Variants in PSD3 observed in about 807,000 individuals in gnomAD.
PSD3 encodes the protein pleckstrin and Sec7 domain containing 3.
A neutral mutation model predicts 105.5 loss-of-function variants in PSD3; 49 were observed. The observed-to-expected ratio is 0.46, with a 90% CI of 0.37 to 0.59. The LOEUF (loss-of-function observed/expected upper bound fraction) is 0.59, where lower values mean the gene tolerates loss of function less well. Among genes scored for constraint, PSD3 ranks in the 20% least tolerant of loss-of-function variants. The pLI is 0.00. For synonymous variants in PSD3, 557 were observed against 457.8 expected, an observed-to-expected ratio of 1.22 and a Z score of -2.77; for missense variants, 1,561 against 1,263.8, an observed-to-expected ratio of 1.24 and a Z score of -3.57.
At chr8:18,792,786 G>A (rs78564754) in intron 8 of PSD3, among the ~76,000 whole-genome samples, 4 of 152,234 alleles carry the variant, frequency 2.6e-5, no homozygotes, top group Non-Finnish European at 5.9e-5. Context: ...CAAGGATCTG[G>A]AACTAGAAAT....
At chr8:18,634,421 T>C (rs1452755310) in intron 10 of PSD3, among the ~76,000 whole-genome samples, 1 of 152,132 alleles carries the variant, frequency 6.6e-6, no homozygotes, top group Admixed American at 6.6e-5. Flanking sequence ...ATTAACATCT[T>C]ATATATTAAT....
At chr8:18,745,569 C>A (rs1804944384) in intron 9 of PSD3, among the ~76,000 whole-genome samples, 1 of 152,114 alleles carries the variant, frequency 6.6e-6, no homozygotes, top group Admixed American at 6.5e-5. Context: ...ATTTTCCCTG[C>A]CCCAGGACTA....
chr8:18,634,438 C>T (rs1007321844), intron 10 of PSD3, among the ~76,000 whole-genome samples: 19 of 152,048 alleles, frequency 1.2e-4, no homozygotes, highest in African/African-American at 3.9e-4. Flanking sequence ...TAATAACTAT[C>T]GTAAAAAATT....
At chr8:19,027,538 G>T (rs1189254363) in intron 1 of PSD3, among the ~76,000 whole-genome samples, 1 of 152,154 alleles carries the variant, frequency 6.6e-6, no homozygotes, top group Non-Finnish European at 1.5e-5. Flanking sequence ...CCACTACAAT[G>T]AGGATATTTC....
intron 1 of PSD3, among the ~76,000 whole-genome samples, chr8:18,976,144 T>C (rs547935310): frequency 1.3e-5 from 2 of 152,206 alleles, no homozygotes; most frequent in South Asian, 4.2e-4. Context: ...TTAAAATGCT[T>C]ATACTAGAAA....
intron 9 of PSD3, among the ~76,000 whole-genome samples, chr8:18,696,119 A>T (rs1167755217): frequency 6.6e-6 from 1 of 152,212 alleles, no homozygotes; most frequent in African/African-American, 2.4e-5. Flanking sequence ...AGGATGTGTC[A>T]ATGCCTCTCT....
intron 1 of PSD3, among the ~76,000 whole-genome samples, chr8:18,988,329 G>A (rs1205454048): frequency 2.0e-5 from 3 of 152,136 alleles, no homozygotes; most frequent in Middle Eastern, 3.4e-3. Flanking sequence ...CCCAAACTGC[G>A]AATAAGACAC....
intron 10 of PSD3, among the ~76,000 whole-genome samples, chr8:18,651,346 T>C (rs751761353): frequency 6.6e-6 from 1 of 152,230 alleles, no homozygotes; most frequent in Non-Finnish European, 1.5e-5. Flanking sequence ...TGATTTCCTC[T>C]AAGGTTCTAA....
intron 4 of PSD3, among the ~76,000 whole-genome samples, chr8:18,842,197 G>A (rs1478420627): frequency 6.6e-6 from 1 of 152,212 alleles, no homozygotes; most frequent in Non-Finnish European, 1.5e-5. Context: ...CACAGCCAGA[G>A]CAGCTTAGAC....
chr8:18,615,210 C>A (rs1321122420), intron 11 of PSD3, among the ~76,000 whole-genome samples: 7 of 151,880 alleles, frequency 4.6e-5, no homozygotes, highest in African/African-American at 1.7e-4. Flanking sequence ...TGATCACCTG[C>A]TGCACCCTAC....
At chr8:19,036,150 G>A (rs568161668) in intron 1 of PSD3, among the ~76,000 whole-genome samples, 36 of 152,256 alleles carry the variant, frequency 2.4e-4, no homozygotes, top group Non-Finnish European at 3.2e-4. Flanking sequence ...GGAGATTGCC[G>A]GCAATGCAGA....
At chr8:18,711,236 T>G (rs1802233150) in intron 9 of PSD3, among the ~76,000 whole-genome samples, 1 of 152,122 alleles carries the variant, frequency 6.6e-6, no homozygotes, top group South Asian at 2.1e-4. Context: ...TTAACAAGTC[T>G]GTAAAATAAC....
rs554928646 is a variant in PSD3, at chr8:18,824,648, A to C, written c.1635-19750T>G. Among the ~76,000 whole-genome samples, 4 of 152,320 alleles carry C rather than the reference A, an allele frequency of 2.6e-5. No individual in the cohort carries two copies. In the South Asian group the frequency reaches 8.3e-4, roughly 32 times the overall value. On this transcript the variant is annotated intron_variant, in intron 4 of 15. Transcript: ENST00000327040. ...AGAATAAATTCAGGGGCCATCTATC[A>C]CTGGCTAAGGCATACACTTTATTAT...
intron 4 of PSD3, among the ~76,000 whole-genome samples, chr8:18,826,818 G>T (rs542220057): frequency 1.3e-5 from 2 of 152,182 alleles, no homozygotes; most frequent in Admixed American, 1.3e-4. Flanking sequence ...CAGAGGCAGT[G>T]TACTTTCTAC....
intron 15 of PSD3, among the ~76,000 whole-genome samples, chr8:18,552,720 T>C (rs1158630862): frequency 6.6e-6 from 1 of 152,236 alleles, no homozygotes; most frequent in Non-Finnish European, 1.5e-5. Flanking sequence ...TTTCTTGAAA[T>C]TGGGAAATGA....
At chr8:18,622,035 A>G (rs1030529982) in intron 11 of PSD3, among the ~76,000 whole-genome samples, 4 of 152,152 alleles carry the variant, frequency 2.6e-5, no homozygotes, top group Admixed American at 6.5e-5. Flanking sequence ...AAATCCCTCT[A>G]AAGTGAGTGA....
At chr8:18,761,598 T>C (rs772990160) in intron 9 of PSD3, among the ~76,000 whole-genome samples, 1 of 152,134 alleles carries the variant, frequency 6.6e-6, no homozygotes, top group Non-Finnish European at 1.5e-5. Context: ...TCAATCCTCA[T>C]ACCGTACTGT....
At chr8:19,073,546 C>T (rs1262394008) in intron 1 of PSD3, among the ~76,000 whole-genome samples, 2 of 57,702 alleles carry the variant, frequency 3.5e-5, no homozygotes, top group African/African-American at 1.4e-4. Flanking sequence ...GTGAAACTGT[C>T]TCTCAAAAAA....
chr8:19,060,264 G>A (rs1036686381), intron 1 of PSD3, among the ~76,000 whole-genome samples: 1 of 152,166 alleles, frequency 6.6e-6, no homozygotes, highest in Non-Finnish European at 1.5e-5. Context: ...AATGAAATGA[G>A]TTTCCAAGAA....
Sources: allele counts gnomAD v4.1 joint callset (sites outside exome capture counted in the v4.1 genomes callset), GRCh38; gene constraint gnomAD v4.1.1; transcripts MANE v1.5; gene names NCBI Gene and HGNC (gene_info 2026-07-23, HGNC 2026-07-21).